The following NRP1 variants were observed in gnomAD, a reference collection of about 807,000 sequenced individuals.
NRP1 encodes neuropilin 1, also known as neuropilin-1.
Under a neutral mutation model 106.7 loss-of-function variants are expected in NRP1, and 35 were observed. That is an observed-to-expected ratio of 0.33 (90% CI 0.25 to 0.43). The LOEUF (loss-of-function observed/expected upper bound fraction) is 0.43. NRP1 is among the 20% of genes least tolerant of loss of function. The pLI is 1.00. For synonymous variants in NRP1, 437 were observed against 417.9 expected (o/e 1.05, Z -0.56); for missense variants, 1,024 against 1,170.4 (o/e 0.87, Z 1.83).
intron 2 of NRP1, among the ~76,000 whole-genome samples, chr10:33,286,501 T>C (rs1844562737): frequency 6.6e-6 from 1 of 152,156 alleles, no homozygotes; most frequent in Non-Finnish European, 1.5e-5. Flanking sequence ...CCCATCATTC[T>C]TTGGAGCAAG....
chr10:33,274,597 T>C (rs1335029223), intron 2 of NRP1, among the ~76,000 whole-genome samples: 2 of 152,160 alleles, frequency 1.3e-5, no homozygotes, highest in Non-Finnish European at 2.9e-5. Context: ...AGGTTTTCTC[T>C]GGTGAGTACA....
rs755360383 is a variant in NRP1 at position 33,186,209 on chromosome 10, G to A, written c.2334+8C>T. ...ACTGCCCTCCCCAGCCTTGGGAAGA[G>A]GTCATACCTGATAAAGTTTCAGAGA... is the stretch of plus-strand genomic sequence containing the variant. On this transcript the variant is annotated splice_region_variant and intron_variant, in intron 14 of 16. Transcript: ENST00000374867. The A allele has an allele frequency of 8.8e-6, 14 of 1,588,904 alleles. No individual in the cohort carries two copies. In the South Asian group the frequency reaches 1.5e-4, roughly 17 times the overall value.
In NRP1 at chr10:33,215,398, A is replaced by C. The variant is rs1331865729; in HGVS notation, c.1283-1681T>G. On this transcript the variant is annotated intron_variant, in intron 8 of 16. Transcript: ENST00000374867. ...GTCATGTACCCACAGCTAGATTATAAGATCTTCAAAGGCAATGAACAGCAT... is the reference window on the plus strand; with the variant it reads ...GTCATGTACCCACAGCTAGATTATACGATCTTCAAAGGCAATGAACAGCAT... 2.0e-5 allele frequency among the ~76,000 whole-genome samples: 3 copies of C among 152,220 alleles called. No individual in the cohort carries two copies. In the East Asian group the frequency reaches 5.8e-4, roughly 29 times the overall value.
intron 4 of NRP1, among the ~76,000 whole-genome samples, chr10:33,261,311 A>G (rs1467247109): frequency 1.3e-5 from 2 of 152,244 alleles, no homozygotes; most frequent in Non-Finnish European, 2.9e-5. Flanking sequence ...AGTCTTCTAA[A>G]TAAGTTGATT....
At chr10:33,280,532 A>G (rs1844043412) in intron 2 of NRP1, among the ~76,000 whole-genome samples, 1 of 152,162 alleles carries the variant, frequency 6.6e-6, no homozygotes, top group South Asian at 2.1e-4. Flanking sequence ...TCTTCAGGGA[A>G]AAAAAAATAC....
intron 6 of NRP1, among the ~76,000 whole-genome samples, chr10:33,253,706 T>C (rs1398611690): frequency 6.6e-6 from 1 of 152,178 alleles, no homozygotes; most frequent in Non-Finnish European, 1.5e-5. Flanking sequence ...AAAAATCAGA[T>C]CTTGGAGCTG....
chr10:33,228,235 A>G (rs1157567185), intron 6 of NRP1, among the ~76,000 whole-genome samples: 1 of 152,102 alleles, frequency 6.6e-6, no homozygotes, highest in African/African-American at 2.4e-5. Flanking sequence ...AGCCTGGCAT[A>G]GTGGCACATG....
intron 2 of NRP1, among the ~76,000 whole-genome samples, chr10:33,319,962 G>T (rs546308711): frequency 6.6e-6 from 1 of 151,444 alleles, no homozygotes; most frequent in Non-Finnish European, 1.5e-5. Flanking sequence ...GCTAGACCGC[G>T]AACCCACCGG....
intron 3 of NRP1, among the ~76,000 whole-genome samples, chr10:33,264,278 G>A (rs796333920): frequency 1.1e-4 from 17 of 152,304 alleles, no homozygotes; most frequent in African/African-American, 3.8e-4. Flanking sequence ...CATTTATAAA[G>A]GCGAGGGAGA....
In NRP1 at chr10:33,214,122, CA is replaced by C. The variant is rs1380925021; in HGVS notation, c.1283-406del. Among the ~76,000 whole-genome samples the C allele has an allele frequency of 3.3e-5, 5 of 152,220 alleles. No homozygotes were observed. In the East Asian group the frequency reaches 9.7e-4, roughly 29 times the overall value. The stretch of plus-strand genomic sequence containing the variant: ...TCCGATAGCAGGAAGGTTGCTAAAA[CA>C]AAGGTAAAGAGACAGTGATGCAGAG... On this transcript the variant is annotated intron_variant, in intron 8 of 16. Coordinates refer to ENST00000374867, the MANE Select transcript of NRP1 (RefSeq NM_003873.7).
At chr10:33,181,041 A>G (rs1835653609) in intron 16 of NRP1, among the ~76,000 whole-genome samples, 1 of 152,228 alleles carries the variant, frequency 6.6e-6, no homozygotes, top group Admixed American at 6.5e-5. Flanking sequence ...GCATCTTTGC[A>G]GCCCTGGTAG....
intron 2 of NRP1, among the ~76,000 whole-genome samples, chr10:33,307,111 G>C (rs1465506591): frequency 6.6e-6 from 1 of 152,174 alleles, no homozygotes; most frequent in African/African-American, 2.4e-5. Flanking sequence ...CCCTTCCCAA[G>C]ACTATAACTA....
intron 12 of NRP1, 25 bp from the exon 13 acceptor site, chr10:33,192,443 A>G (rs1280387018): frequency 1.9e-6 from 3 of 1,611,624 alleles, no homozygotes; most frequent in South Asian, 1.1e-5. Flanking sequence ...AAGTAAAAAT[A>G]AGAGACAAGC....
intron 12 of NRP1, among the ~76,000 whole-genome samples, chr10:33,196,441 T>A (rs995245220): frequency 1.3e-5 from 2 of 152,116 alleles, no homozygotes; most frequent in Non-Finnish European, 2.9e-5. Context: ...TCAGGAAAGG[T>A]ACAAAGAAAA....
chr10:33,250,690 T>C (rs773280090), intron 6 of NRP1, among the ~76,000 whole-genome samples: 4 of 152,222 alleles, frequency 2.6e-5, no homozygotes, highest in African/African-American at 4.8e-5. Context: ...TGTTTACTCG[T>C]TTCTCTGAAC....
chr10:33,249,806 G>C (rs1427300633), intron 6 of NRP1, among the ~76,000 whole-genome samples: 1 of 151,946 alleles, frequency 6.6e-6, no homozygotes, highest in East Asian at 1.9e-4. Context: ...TCACTAACAG[G>C]CTCCTTGACT....
At chr10:33,275,979 T>C (rs930851370) in intron 2 of NRP1, among the ~76,000 whole-genome samples, 2 of 152,128 alleles carry the variant, frequency 1.3e-5, no homozygotes, top group African/African-American at 4.8e-5. Context: ...AAAATGCTTA[T>C]GATATAATCA....
intron 2 of NRP1, among the ~76,000 whole-genome samples, chr10:33,313,567 A>G (rs1846770155): frequency 6.6e-6 from 1 of 152,154 alleles, no homozygotes; most frequent in South Asian, 2.1e-4. Flanking sequence ...TTTTTTCTGG[A>G]GAATTAGAAT....
Position 33,202,943 on chromosome 10 carries a change from A to G in NRP1, c.1812T>C (p.Asp604=). The change falls in exon 11 of 17, where the codon GAT becomes GAC. Residue 604 remains aspartate, a synonymous_variant. Coordinates refer to ENST00000374867, the MANE Select transcript of NRP1 (RefSeq NM_003873.7). ...TPNGNLVDEC[D]DDQANCHSGT... Reference sequence around the variant, plus strand: ...CACTGTGGCAGTTGGCCTGGTCGTCATCACATTCATCCACCAAGTTCCCGT... The same window carrying G: ...CACTGTGGCAGTTGGCCTGGTCGTCGTCACATTCATCCACCAAGTTCCCGT... 1 of 1,614,234 alleles carries G rather than the reference A, an allele frequency of 6.2e-7. No individual in the cohort carries two copies.
Sources: allele counts gnomAD v4.1 joint callset (sites outside exome capture counted in the v4.1 genomes callset), GRCh38; gene constraint gnomAD v4.1.1; transcripts MANE v1.5; gene names NCBI Gene and HGNC (gene_info 2026-07-23, HGNC 2026-07-21).